ATOSA: variants seen among roughly 807,000 people sequenced by gnomAD.
ATOSA encodes the protein atos homolog A.
At chr15:52,600,793 GTT>G in the ATOSA span, among the ~76,000 whole-genome samples, 2 of 140,912 alleles carry the variant, frequency 1.4e-5, no homozygotes, top group Admixed American at 7.1e-5. Context: ...GGCCAAGGTT[GTT>G]TTTTTTTTTT....
At chr15:52,670,032 C>T in the ATOSA span, among the ~76,000 whole-genome samples, 3 of 152,236 alleles carry the variant, frequency 2.0e-5, no homozygotes, top group African/African-American at 7.2e-5. Flanking sequence ...GGTCTACTAT[C>T]ACCCAGAAAT....
At chr15:52,679,641 G>A in the ATOSA span, among the ~76,000 whole-genome samples, 19 of 152,246 alleles carry the variant, frequency 1.2e-4, no homozygotes, top group African/African-American at 4.6e-4. Context: ...AGCCGGCAGA[G>A]GCGCGCCTGG....
chr15:52,672,594 T>G, the ATOSA span, among the ~76,000 whole-genome samples: 4 of 152,142 alleles, frequency 2.6e-5, no homozygotes, highest in African/African-American at 7.2e-5. Context: ...TTTTCATAAT[T>G]AGATCCAAAG....
the ATOSA span, chr15:52,657,418 T>C: frequency 6.6e-6 from 1 of 152,236 alleles, no homozygotes; most frequent in South Asian, 2.1e-4. Flanking sequence ...AATTTGCTTA[T>C]TTGAAACTAT....
At chr15:52,706,119 T>A in the ATOSA span, among the ~76,000 whole-genome samples, 1 of 152,234 alleles carries the variant, frequency 6.6e-6, no homozygotes, top group Non-Finnish European at 1.5e-5. Context: ...GAATTACACT[T>A]CTGTGAGTAT....
the ATOSA span, among the ~76,000 whole-genome samples, chr15:52,679,552 G>A: frequency 1.3e-5 from 2 of 152,168 alleles, no homozygotes; most frequent in Non-Finnish European, 2.9e-5. Flanking sequence ...CGGGTGCGAG[G>A]GCGCTGGAGA....
the ATOSA span, among the ~76,000 whole-genome samples, chr15:52,612,339 T>C: frequency 6.6e-6 from 1 of 152,020 alleles, no homozygotes. Context: ...TTGCTCTACC[T>C]TGTGGAAAAA....
chr15:52,609,443 G>C, the ATOSA span: 18 of 1,613,596 alleles, frequency 1.1e-5, no homozygotes, highest in South Asian at 1.5e-4. Flanking sequence ...TCCAAGTGTT[G>C]AGCAATCCTT....
the ATOSA span, among the ~76,000 whole-genome samples, chr15:52,650,447 T>A: frequency 1.3e-5 from 2 of 152,234 alleles, no homozygotes; most frequent in Non-Finnish European, 2.9e-5. Context: ...ATTTTTTTAA[T>A]CTTTAAGGAC....
chr15:52,640,872 A>C, the ATOSA span, among the ~76,000 whole-genome samples: 7 of 152,258 alleles, frequency 4.6e-5, 1 homozygote, highest in South Asian at 1.5e-3. Flanking sequence ...TATATCTATT[A>C]TGGAAAACAC....
chr15:52,688,778 T>A, the ATOSA span, among the ~76,000 whole-genome samples: 1 of 152,244 alleles, frequency 6.6e-6, no homozygotes, highest in African/African-American at 2.4e-5. Context: ...TCATGGGCTA[T>A]CAGGAAGGAC....
At chr15:52,657,103 T>C in the ATOSA span, 2 of 152,298 alleles carry the variant, frequency 1.3e-5, no homozygotes, top group South Asian at 2.1e-4. Context: ...AGAAACTGAA[T>C]CATAGAAATT....
At chr15:52,625,345 T>G in the ATOSA span, among the ~76,000 whole-genome samples, 1 of 152,248 alleles carries the variant, frequency 6.6e-6, no homozygotes, top group African/African-American at 2.4e-5. Context: ...TGACCACGGC[T>G]ATAAGTGAAA....
At chr15:52,663,942 A>C in the ATOSA span, among the ~76,000 whole-genome samples, 1 of 152,228 alleles carries the variant, frequency 6.6e-6, no homozygotes, top group Non-Finnish European at 1.5e-5. Flanking sequence ...TGAAATAGAT[A>C]TACGTATCTA....
the ATOSA span, among the ~76,000 whole-genome samples, chr15:52,642,569 A>C: frequency 6.6e-6 from 1 of 152,234 alleles, no homozygotes; most frequent in South Asian, 2.1e-4. Context: ...ACTAAAAATA[A>C]TCATGAGGGT....
At chr15:52,619,321 C>A in the ATOSA span, among the ~76,000 whole-genome samples, 1 of 152,236 alleles carries the variant, frequency 6.6e-6, no homozygotes, top group East Asian at 1.9e-4. Flanking sequence ...CCTCTAAACA[C>A]AACAGCAAAG....
At chr15:52,692,647 C>T in the ATOSA span, among the ~76,000 whole-genome samples, 1 of 151,972 alleles carries the variant, frequency 6.6e-6, no homozygotes, top group Non-Finnish European at 1.5e-5. Flanking sequence ...AGCCACTGCA[C>T]CCAGCCTGAA....
the ATOSA span, among the ~76,000 whole-genome samples, chr15:52,676,264 T>A: frequency 6.6e-6 from 1 of 151,910 alleles, no homozygotes; most frequent in East Asian, 1.9e-4. Context: ...AAAAAAAAAA[T>A]GAAGTGTAAC....
the ATOSA span, among the ~76,000 whole-genome samples, chr15:52,603,070 G>C: frequency 6.6e-6 from 1 of 152,160 alleles, no homozygotes; most frequent in Non-Finnish European, 1.5e-5. Context: ...TTTTACACCA[G>C]CAAGACGCTG....
Sources: allele counts gnomAD v4.1 joint callset (sites outside exome capture counted in the v4.1 genomes callset), GRCh38; gene constraint gnomAD v4.1.1; transcripts MANE v1.5; gene names NCBI Gene and HGNC (gene_info 2026-07-23, HGNC 2026-07-21).